The following DCAF5 variants were observed in gnomAD, a reference collection of about 807,000 sequenced individuals.
The protein encoded by DCAF5 is DDB1- and CUL4-associated factor 5.
DCAF5 carries 9 observed loss-of-function variants against 80.7 expected under a neutral mutation model. That is an observed-to-expected ratio of 0.11 (90% CI 0.07 to 0.19). DCAF5 has a LOEUF of 0.19. DCAF5 is among the 10% of genes least tolerant of loss of function. DCAF5 has a pLI of 1.00. For synonymous variants in DCAF5, 433 were observed against 461.9 expected (o/e 0.94, Z 0.80); for missense variants, 842 against 1,205.7 (o/e 0.70, Z 4.47).
intron 7 of DCAF5, among the ~76,000 whole-genome samples, chr14:69,070,258 T>G (rs912087005): frequency 6.6e-6 from 1 of 152,160 alleles, no homozygotes; most frequent in Non-Finnish European, 1.5e-5. Flanking sequence ...AATATAAATA[T>G]TTTCAAGAGA....
intron 6 of DCAF5, chr14:69,085,111 C>T: frequency 1.2e-6 from 1 of 839,570 alleles, no homozygotes; most frequent in Non-Finnish European, 2.1e-6. Flanking sequence ...TTTCATAAGT[C>T]AGCTCAGGAA....
chr14:69,093,450 C>T (rs149025533), intron 5 of DCAF5, among the ~76,000 whole-genome samples: 225 of 152,200 alleles, frequency 1.5e-3, no homozygotes, highest in Middle Eastern at 0.01. Flanking sequence ...AAGTTTTAAT[C>T]GCATTGTACC....
In DCAF5 at chr14:69,152,759, A is replaced by G. The variant is rs375952187; in HGVS notation, c.214+6T>C. 4.5e-5 allele frequency: 73 copies of G among 1,612,124 alleles called. No homozygotes were observed. The highest frequency in any genetic ancestry group is 2.5e-4 in the Admixed American group (15 of 59,888). On this transcript the variant is annotated splice_donor_region_variant and intron_variant, in intron 1 of 8. Coordinates refer to ENST00000341516, the MANE Select transcript of DCAF5 (RefSeq NM_003861.3). This position sits in a 1 kb window ranked among gnomAD's most constrained non-coding sequence, Gnocchi z 4.1. ...AGGCGCGGGGAGGGGAAGGGGGTTG[A>G]TTTACCTGAGACCAGCCACTGGCCT...
intron 1 of DCAF5, among the ~76,000 whole-genome samples, chr14:69,125,692 C>A (rs1468025760): frequency 6.6e-6 from 1 of 152,060 alleles, no homozygotes; most frequent in Non-Finnish European, 1.5e-5. Flanking sequence ...AAAAATTCCA[C>A]TGGAATATAA....
chr14:69,098,112 T>C (rs917215260), intron 5 of DCAF5, among the ~76,000 whole-genome samples: 1 of 149,266 alleles, frequency 6.7e-6, no homozygotes, highest in South Asian at 2.1e-4. Flanking sequence ...CCTACCCTCA[T>C]CCTTTATGTC....
intron 7 of DCAF5, among the ~76,000 whole-genome samples, chr14:69,066,138 T>G (rs1197455044): frequency 1.4e-5 from 2 of 138,130 alleles, no homozygotes; most frequent in Non-Finnish European, 3.2e-5. Flanking sequence ...GCTGACACTG[T>G]TTTTTTTTTT....
intron 7 of DCAF5, among the ~76,000 whole-genome samples, chr14:69,067,430 C>G (rs529897662): frequency 6.6e-6 from 1 of 150,926 alleles, no homozygotes; most frequent in African/African-American, 2.4e-5. Flanking sequence ...TGCAACCCCC[C>G]GCTCCCAGGC....
intron 1 of DCAF5, among the ~76,000 whole-genome samples, chr14:69,144,767 G>C (rs2041487299): frequency 2.0e-5 from 3 of 152,066 alleles, no homozygotes; most frequent in Non-Finnish European, 4.4e-5. Flanking sequence ...CAATTCCTTA[G>C]GACAGATCCA....
rs143724119 is a variant in DCAF5, at chr14:69,116,413, G to A, written c.618C>T (p.Ala206=). ...AGAGTCCCACTCCTTCCTTTGAATTGGCTGTGGCCAACAACCTGGGCTCCA... is the reference window on the plus strand; with the variant it reads ...AGAGTCCCACTCCTTCCTTTGAATTAGCTGTGGCCAACAACCTGGGCTCCA... The part of the protein sequence containing the change: ...NPVEPRLLAT[A]NSKEGVGLWD... Residue 206 remains alanine (A), a synonymous_variant, in exon 5 of 9, where the codon GCC becomes GCT. Transcript: ENST00000341516. 6.2e-7 allele frequency: 1 copy of A among 1,613,504 alleles called. No homozygotes were observed. Among genetic ancestry groups the A allele is most frequent in the Non-Finnish European group, 8.5e-7 (1 of 1,179,578 alleles).
intron 6 of DCAF5, among the ~76,000 whole-genome samples, chr14:69,076,776 T>C: frequency 6.6e-6 from 1 of 152,134 alleles, no homozygotes; most frequent in East Asian, 1.9e-4. Context: ...AAATGGTAAA[T>C]CTCATGTTAT....
chr14:69,081,471 C>G (rs755938112), intron 6 of DCAF5, among the ~76,000 whole-genome samples: 5 of 152,158 alleles, frequency 3.3e-5, no homozygotes, highest in Admixed American at 6.5e-5. Flanking sequence ...TCCAAGAGGG[C>G]AAGCTATTTA....
rs937258658 is a variant in DCAF5 at position 69,116,259 on chromosome 14, G to A, written c.665+107C>T. 1.3e-4 allele frequency: 178 copies of A among 1,338,078 alleles called. 2 individuals are homozygous for A. The East Asian group carries it at 4.1e-3, about 31-fold the overall frequency. 82.9% of individuals were successfully genotyped at this position (1,338,078 alleles called of 1,614,324 possible). On this transcript the variant is annotated intron_variant, in intron 5 of 8. Transcript: ENST00000341516. The stretch of plus-strand genomic sequence containing the variant: ...CACTATATATCTTAAGAAATGCCCA[G>A]CAGAGATAACTGCCAAAGAGGTCCT...
intron 7 of DCAF5, among the ~76,000 whole-genome samples, chr14:69,069,314 T>C (rs1396234330): frequency 1.3e-5 from 2 of 152,174 alleles, no homozygotes; most frequent in African/African-American, 2.4e-5. Context: ...ATTTGTCACA[T>C]AAGAGAACCC....
At chr14:69,062,234 T>G in intron 8 of DCAF5, 150 bp downstream of exon 8, 3 of 871,124 alleles carry the variant, frequency 3.4e-6, no homozygotes, top group Non-Finnish European at 5.0e-6. Flanking sequence ...TAATATCAGC[T>G]TTCTAATATT....
chr14:69,148,322 C>T (rs554268327), intron 1 of DCAF5, among the ~76,000 whole-genome samples: 2 of 152,162 alleles, frequency 1.3e-5, no homozygotes, highest in South Asian at 4.1e-4. Context: ...AATGTTGTTC[C>T]CCATCCCTCA....
intron 1 of DCAF5, among the ~76,000 whole-genome samples, chr14:69,144,533 C>T (rs542621191): frequency 2.0e-5 from 3 of 151,400 alleles, no homozygotes; most frequent in East Asian, 2.0e-4. Context: ...GATCGCACCA[C>T]GCCACTGCAC....
At chr14:69,110,319 G>C (rs1486023462) in intron 5 of DCAF5, among the ~76,000 whole-genome samples, 3 of 135,652 alleles carry the variant, frequency 2.2e-5, no homozygotes, top group Admixed American at 1.6e-4. Flanking sequence ...CACCAGGCTA[G>C]AGTGCAGTGG....
chr14:69,148,611 C>A (rs2041614805), intron 1 of DCAF5, among the ~76,000 whole-genome samples: 1 of 152,106 alleles, frequency 6.6e-6, no homozygotes, highest in Non-Finnish European at 1.5e-5. Flanking sequence ...AGGAGACTTG[C>A]TTGAACCCAG....
chr14:69,133,963 C>G (rs763740657), intron 1 of DCAF5, among the ~76,000 whole-genome samples: 6 of 152,170 alleles, frequency 3.9e-5, no homozygotes, highest in Non-Finnish European at 8.8e-5. Flanking sequence ...TTTTGAAATA[C>G]TAACCCTAGA....
Sources: allele counts gnomAD v4.1 joint callset (sites outside exome capture counted in the v4.1 genomes callset), GRCh38; gene constraint gnomAD v4.1.1; non-coding constraint Gnocchi (gnomAD v3.1); transcripts MANE v1.5; gene names NCBI Gene and HGNC (gene_info 2026-07-23, HGNC 2026-07-21).